Variants in MPP7 observed in about 807,000 individuals in gnomAD.
MPP7 encodes the protein MAGUK p55 scaffold protein 7.
Under a neutral mutation model 76.5 loss-of-function variants are expected in MPP7, and 60 were observed. The ratio of observed to expected loss-of-function variants is 0.78; its 90% CI spans 0.64 to 0.97. The LOEUF is 0.97. Among genes scored for constraint, MPP7 ranks in the 50% least tolerant of loss-of-function variants. MPP7 has a pLI of 0.00. For synonymous variants in MPP7, 237 were observed against 244.5 expected, an observed-to-expected ratio of 0.97 and a Z score of 0.29; for missense variants, 641 against 694.0, an observed-to-expected ratio of 0.92 and a Z score of 0.86.
intron 12 of MPP7, 42 bp from the exon 13 acceptor site, chr10:28,069,894 C>T (rs1267547769): frequency 1.4e-6 from 2 of 1,447,958 alleles, no homozygotes; most frequent in Admixed American, 3.4e-5. Context: ...GGACAAAACA[C>T]CACATAAACA....
At chr10:28,179,144 C>G (rs567967660) in intron 3 of MPP7, among the ~76,000 whole-genome samples, 2 of 152,182 alleles carry the variant, frequency 1.3e-5, no homozygotes. Flanking sequence ...CAACCCCACA[C>G]TAACCTCATC....
chr10:28,065,635 C>T (rs1452446148), intron 13 of MPP7, among the ~76,000 whole-genome samples: 1 of 152,174 alleles, frequency 6.6e-6, no homozygotes, highest in Admixed American at 6.5e-5. Flanking sequence ...TAGGAGCCCT[C>T]TTCCCATGTC....
intron 1 of MPP7, among the ~76,000 whole-genome samples, chr10:28,294,350 G>C (rs115260992): frequency 0.017 from 2,661 of 152,288 alleles, 77 homozygotes; most frequent in African/African-American, 0.06. Context: ...AGTTGTCATA[G>C]TACAGGCGAC....
At chr10:28,081,638 A>G (rs1485561664) in intron 12 of MPP7, among the ~76,000 whole-genome samples, 1 of 152,236 alleles carries the variant, frequency 6.6e-6, no homozygotes, top group Non-Finnish European at 1.5e-5. Context: ...ATAAGAATAA[A>G]AACCATATAG....
In MPP7 at chr10:28,089,770, TC is replaced by T; in HGVS notation, c.1023del (p.Lys342ArgfsTer16). On this transcript the variant is annotated frameshift_variant, in exon 12 of 17. Coordinates refer to ENST00000683449, the MANE Select transcript of MPP7 (RefSeq NM_001318170.2). LOFTEE classifies it high-confidence loss of function. The stretch of plus-strand genomic sequence containing the variant: ...TCAGCTGTGTCGTACTGATCACTCT[TC>T]TTGCATTCATACATGGATTTATTTG... Reference protein sequence around the residue: ...KKTNKSMYECKKSDQYDTADV... With the variant: ...KKTNKSMYECXKSDQYDTADV... 6.2e-7 allele frequency: 1 copy of T among 1,608,936 alleles called. No homozygotes were observed. The highest frequency in any genetic ancestry group is 8.5e-7 in the Non-Finnish European group (1 of 1,175,584).
chr10:28,183,763 C>A (rs1423553569), intron 3 of MPP7, among the ~76,000 whole-genome samples: 3 of 152,088 alleles, frequency 2.0e-5, no homozygotes, highest in Admixed American at 2.0e-4. Flanking sequence ...GCACTCCAGG[C>A]TGGATAACAG....
At chr10:28,229,332 G>A (rs549694905) in intron 2 of MPP7, among the ~76,000 whole-genome samples, 6 of 152,248 alleles carry the variant, frequency 3.9e-5, no homozygotes, top group South Asian at 4.1e-4. Flanking sequence ...TGCTTTCAGC[G>A]CACTGAGGAA....
intron 3 of MPP7, among the ~76,000 whole-genome samples, chr10:28,154,308 T>C (rs957635496): frequency 6.6e-6 from 1 of 152,172 alleles, no homozygotes; most frequent in Non-Finnish European, 1.5e-5. Context: ...CCTAGAAAAG[T>C]AGCTATTCTG....
chr10:28,144,047 T>C (rs182190445), intron 5 of MPP7, among the ~76,000 whole-genome samples: 8 of 152,130 alleles, frequency 5.3e-5, no homozygotes, highest in African/African-American at 1.9e-4. Context: ...ACCGCCACCA[T>C]ACCCGGGATT....
intron 1 of MPP7, among the ~76,000 whole-genome samples, chr10:28,332,155 A>G (rs1405490503): frequency 6.6e-6 from 1 of 152,080 alleles, no homozygotes; most frequent in Non-Finnish European, 1.5e-5. Flanking sequence ...TTTCTTACAA[A>G]AAGCTGCAAG....
intron 3 of MPP7, among the ~76,000 whole-genome samples, chr10:28,200,252 G>A (rs1837726751): frequency 6.6e-6 from 1 of 152,156 alleles, no homozygotes; most frequent in Non-Finnish European, 1.5e-5. Context: ...GTCAGTCAAA[G>A]GACACACTTG....
Position 28,051,067 on chromosome 10 carries a change from A to C in MPP7, c.*2998T>G, listed in dbSNP as rs891247214. 1 of 152,216 alleles carries C rather than the reference A, an allele frequency of 6.6e-6. No homozygotes were observed. The highest frequency in any genetic ancestry group is 2.4e-5 in the African/African-American group (1 of 41,464). 9.4% of individuals were successfully genotyped at this position (152,216 alleles called of 1,614,324 possible). On this transcript the variant is annotated 3_prime_UTR_variant, in exon 17 of 17. Coordinates refer to ENST00000683449, the MANE Select transcript of MPP7 (RefSeq NM_001318170.2). ...TACATCACTTCATATCACAGTAGAA[A>C]ATATAATTTGTTCTACCATGGGAAA...
At chr10:28,154,633 C>T (rs1281490361) in intron 3 of MPP7, among the ~76,000 whole-genome samples, 3 of 151,840 alleles carry the variant, frequency 2.0e-5, no homozygotes, top group Non-Finnish European at 4.4e-5. Context: ...TATTTGAAAC[C>T]ACTTCTCAGA....
At chr10:28,322,252 G>A (rs922912223) in intron 2 of MPP7, among the ~76,000 whole-genome samples, 7 of 151,970 alleles carry the variant, frequency 4.6e-5, no homozygotes, top group African/African-American at 1.7e-4. Context: ...AAACAGATGG[G>A]ATATTATTAT....
rs1245180487 is a variant in MPP7, at chr10:28,052,697, A to G, written c.*1368T>C. The G allele has an allele frequency of 6.6e-6, 1 of 152,350 alleles. No homozygotes were observed. The highest frequency in any genetic ancestry group is 2.4e-5 in the African/African-American group (1 of 41,458). The allele number at this position is 152,350 out of a possible 1,614,324, so 9.4% of individuals were successfully genotyped here. ...ATTTAAAAAAATATGCCTTTAAAAT[A>G]TTTCATAAATATATAGAATTTTACT... On this transcript the variant is annotated 3_prime_UTR_variant, in exon 17 of 17. Coordinates refer to ENST00000683449, the MANE Select transcript of MPP7 (RefSeq NM_001318170.2).
At chr10:28,312,002 G>T (rs554020796) in intron 2 of MPP7, among the ~76,000 whole-genome samples, 242 of 152,208 alleles carry the variant, frequency 1.6e-3, no homozygotes, top group Non-Finnish European at 2.5e-3. Flanking sequence ...GTTCCTTCCA[G>T]CAGGTTTACG....
chr10:28,231,157 T>C (rs1838869216), intron 2 of MPP7, among the ~76,000 whole-genome samples: 1 of 138,954 alleles, frequency 7.2e-6, no homozygotes, highest in South Asian at 2.2e-4. Context: ...GCAATTAAGG[T>C]AAAAAATCAG....
intron 1 of MPP7, among the ~76,000 whole-genome samples, chr10:28,272,858 T>C (rs574543595): frequency 1.3e-3 from 192 of 152,316 alleles, no homozygotes; most frequent in Non-Finnish European, 2.1e-3. Context: ...CTACTTCCTA[T>C]GAAGAATAAT....
At chr10:28,308,993 T>C (rs1841274385) in intron 2 of MPP7, among the ~76,000 whole-genome samples, 1 of 152,150 alleles carries the variant, frequency 6.6e-6, no homozygotes, top group Non-Finnish European at 1.5e-5. Flanking sequence ...GAACACCCAC[T>C]CTTGCCTGGA....
Sources: gnomAD v4.1 joint callset for allele counts (sites outside exome capture counted in the v4.1 genomes callset) on GRCh38, gnomAD v4.1.1 for gene constraint, MANE v1.5 for transcripts, NCBI Gene and HGNC (gene_info 2026-07-23, HGNC 2026-07-21) for gene names.